The following SLX4 variants were observed in gnomAD, a reference collection of about 807,000 sequenced individuals.
SLX4 encodes structure-specific endonuclease subunit SLX4.
SLX4 carries 112 observed loss-of-function variants against 146.2 expected under a neutral mutation model. That is an observed-to-expected ratio of 0.77 (90% CI 0.66 to 0.90). The LOEUF (loss-of-function observed/expected upper bound fraction) is 0.90. SLX4 is among the 40% of genes least tolerant of loss of function. The probability of loss-of-function intolerance (pLI) is 0.00; values close to 1 mark genes in which losing one functional copy is unlikely to be tolerated. For synonymous variants in SLX4, 1,061 were observed against 997.7 expected, an observed-to-expected ratio of 1.06 and a Z score of -1.20; for missense variants, 2,563 against 2,392.7, an observed-to-expected ratio of 1.07 and a Z score of -1.49.
At chr16:3,600,591 CTTTTTTTTTTTTTTT>C (rs974875930) in intron 5 of SLX4, 5 of 102,606 alleles carry the variant, frequency 4.9e-5, no homozygotes, top group East Asian at 2.9e-4. Context: ...CTATAAAAAG[CTTTTTTTTTTTTTTT>C]TTTTTTTTTT....
At chr16:3,583,008 T>C (rs748688497) in intron 14 of SLX4, 89 bp downstream of exon 14, 35 of 1,515,008 alleles carry the variant, frequency 2.3e-5, no homozygotes, top group Non-Finnish European at 3.1e-5. Flanking sequence ...TTTTGAAGAT[T>C]GGCCATTAGG....
chr16:3,597,933 C>T lies in SLX4; in HGVS notation c.1230G>A (p.Arg410=), dbSNP rs991787767. Reference sequence around the variant, plus strand: ...CGGACGGTGCCTCGTCCACCTTCCGCCTCTTCCGTGGCTCCTTCTTGCTGG... The same window carrying T: ...CGGACGGTGCCTCGTCCACCTTCCGTCTCTTCCGTGGCTCCTTCTTGCTGG... The part of the protein sequence containing the change: ...GPTSKKEPRK[R]RKVDEAPSED... Residue 410 remains arginine, a synonymous_variant, in exon 6 of 15, where the codon AGG becomes AGA. Coordinates refer to ENST00000294008, the MANE Select transcript of SLX4 (RefSeq NM_032444.4). This position sits in a 1 kb window ranked among gnomAD's most constrained non-coding sequence, Gnocchi z 4.4. 2 of 1,614,188 alleles carry T rather than the reference C, an allele frequency of 1.2e-6. No homozygotes were observed. The highest frequency in any genetic ancestry group is 2.2e-5 in the East Asian group (1 of 44,888).
rs775552034 is a variant in SLX4 at position 3,582,600 on chromosome 16, C to T, written c.5247G>A (p.Ala1749=). Residue 1749 remains alanine, a synonymous_variant, in exon 15 of 15, where the codon GCG becomes GCA. Coordinates refer to ENST00000294008, the MANE Select transcript of SLX4 (RefSeq NM_032444.4). Reference sequence around the variant, plus strand: ...ACCTCAGCGCCTCGTCTGTGTCCGCCGCCTGCACGGCTGCCTGCGAGGCAC... The same window carrying T: ...ACCTCAGCGCCTCGTCTGTGTCCGCTGCCTGCACGGCTGCCTGCGAGGCAC... ...EVSASQAAVQ[A]ADTDEALRCY... is the part of the protein sequence containing the mutation. 1.4e-5 allele frequency: 22 copies of T among 1,613,544 alleles called. No individual in the cohort carries two copies. The highest frequency in any genetic ancestry group is 1.3e-4 in the East Asian group (6 of 44,900).
At position 3,582,630 on chromosome 16, in the gene SLX4, C is replaced by A. The variant is rs61031231; in HGVS notation, c.5217G>T (p.Glu1739Asp). The A allele has an allele frequency of 6.2e-7, 1 of 1,613,528 alleles. No homozygotes were observed. Among genetic ancestry groups the A allele is most frequent in the South Asian group, 1.1e-5 (1 of 91,092 alleles). ...ESAGEEEGEG[E>D]VSASQAAVQA... is the part of the protein sequence containing the mutation. ...GCACGGCTGCCTGCGAGGCACTGAC[C>A]TCCCCCTCGCCCTCCTCTTCACCTG... Residue 1739 changes from glutamate to aspartate, a missense_variant, in exon 15 of 15, where the codon GAG becomes GAT. Coordinates refer to ENST00000294008, the MANE Select transcript of SLX4 (RefSeq NM_032444.4).
At chr16:3,585,225 C>CAA (rs897983971) in intron 12 of SLX4, among the ~76,000 whole-genome samples, 25 of 152,308 alleles carry the variant, frequency 1.6e-4, no homozygotes, top group African/African-American at 6.0e-4. Context: ...TGATACTCTT[C>CAA]AAACAGGCTT....
chr16:3,597,042 C>T lies in SLX4; in HGVS notation c.1683+337G>A, dbSNP rs534492661. On this transcript the variant is annotated intron_variant, in intron 7 of 14. Transcript: ENST00000294008. This position sits in a 1 kb window ranked among gnomAD's most constrained non-coding sequence, Gnocchi z 4.4. ...TTCACCATATTAGCCAGGCTGGTCTCGAACTCCTGACCTCGTGATCCGCCC... is the reference window on the plus strand; with the variant it reads ...TTCACCATATTAGCCAGGCTGGTCTTGAACTCCTGACCTCGTGATCCGCCC... Among the ~76,000 whole-genome samples the T allele has an allele frequency of 1.2e-4, 18 of 152,204 alleles. No homozygotes were observed. Among genetic ancestry groups the T allele is most frequent in the African/African-American group, 2.9e-4 (12 of 41,544 alleles).
rs974875930 is a variant in SLX4 at position 3,600,591 on chromosome 16, CTTTTTTTTTTTTTT to C, written c.1163+374_1163+387del. 256 of 102,612 alleles carry C rather than the reference CTTTTTTTTTTTTTT, an allele frequency of 2.5e-3. 3 individuals carry two copies. Among genetic ancestry groups the C allele is most frequent in the African/African-American group, 0.012 (192 of 16,162 alleles). 6.4% of individuals were successfully genotyped at this position (102,612 alleles called of 1,614,324 possible). Reference sequence around the variant, plus strand: ...TTTTTCCCTCCAACACTATAAAAAGCTTTTTTTTTTTTTTTTTTTTTTTTTTTTTGGAGACAGGA... The same window carrying C: ...TTTTTCCCTCCAACACTATAAAAAGCTTTTTTTTTTTTTTTGGAGACAGGA... On this transcript the variant is annotated intron_variant, in intron 5 of 14. Transcript: ENST00000294008.
chr16:3,582,132 A>G lies in SLX4; in HGVS notation c.*210T>C, dbSNP rs2040442797. 1 of 598,556 alleles carries G rather than the reference A, an allele frequency of 1.7e-6. No individual in the cohort carries two copies. Among genetic ancestry groups the G allele is most frequent in the South Asian group, 2.0e-5 (1 of 50,068 alleles). 37.1% of individuals were successfully genotyped at this position (598,556 alleles called of 1,614,324 possible). ...GGAGTCTGTAAATCCAGTGGGTGAC[A>G]TGCTCCAAATGCCACCCTAGAAAGC... On this transcript the variant is annotated 3_prime_UTR_variant, in exon 15 of 15. Transcript: ENST00000294008.
At position 3,594,543 on chromosome 16, in the gene SLX4, C is replaced by T; in HGVS notation, c.2070G>A (p.Leu690=). 7.4e-6 allele frequency: 12 copies of T among 1,614,106 alleles called. No homozygotes were observed. The highest frequency in any genetic ancestry group is 1.0e-5 in the Non-Finnish European group (12 of 1,180,016). Residue 690 remains leucine (L), a synonymous_variant, in exon 10 of 15, where the codon CTG becomes CTA. Coordinates refer to ENST00000294008, the MANE Select transcript of SLX4 (RefSeq NM_032444.4). The stretch of plus-strand genomic sequence containing the variant: ...TGTCCGTCTGAAACTGGACATCACT[C>T]AGGTGTGGGTTATTGACCATGGCGC... ...DFGAMVNNPH[L]SDVQFQTDSG... is the part of the protein sequence containing the mutation.
rs374373752 is a variant in SLX4 at position 3,606,725 on chromosome 16, C to T, written c.536-27G>A. ...TGGCAAGGAGGAAAATATTCACAAC[C>T]ATCTGTTGTAGCTGGAGAAATAAAA... On this transcript the variant is annotated intron_variant, in intron 2 of 14. Coordinates refer to ENST00000294008, the MANE Select transcript of SLX4 (RefSeq NM_032444.4). 2.4e-4 allele frequency: 392 copies of T among 1,609,426 alleles called. 1 individual carries two copies. Among genetic ancestry groups the T allele is most frequent in the Non-Finnish European group, 3.2e-4 (374 of 1,176,180 alleles).
chr16:3,584,785 T>C lies in SLX4; in HGVS notation c.4723A>G (p.Lys1575Glu). ...ACCGCCAACCTATCCAGTTCCTTCT[T>C]CAGCACCGGCGTCTCCATAATGGAA... ...QYSIMETPVLKKELDRFGVRP... is the reference protein window; with the variant it reads ...QYSIMETPVLEKELDRFGVRP... The change falls in exon 13 of 15, where the codon AAG becomes GAG. Residue 1575 changes from lysine (K) to glutamate (E), a missense_variant. Transcript: ENST00000294008. The C allele has an allele frequency of 3.1e-6, 5 of 1,613,844 alleles. No homozygotes were observed. The highest frequency in any genetic ancestry group is 4.2e-6 in the Non-Finnish European group (5 of 1,179,736).
Position 3,582,331 on chromosome 16 carries a change from G to A in SLX4, c.*11C>T, listed in dbSNP as rs977223696. On this transcript the variant is annotated 3_prime_UTR_variant, in exon 15 of 15. Coordinates refer to ENST00000294008, the MANE Select transcript of SLX4 (RefSeq NM_032444.4). ...CTGATGGCAGGTTGGGGTGGGGTCG[G>A]GATGGCCCCATCAGTTCCGCTCCAC... 6.2e-7 allele frequency: 1 copy of A among 1,606,670 alleles called. No individual in the cohort carries two copies. The highest frequency in any genetic ancestry group is 8.5e-7 in the Non-Finnish European group (1 of 1,177,964).
Position 3,590,183 on chromosome 16 carries a change from A to G in SLX4, c.3455T>C (p.Ile1152Thr). The change falls in exon 12 of 15, where the codon ATC becomes ACC. Residue 1152 changes from isoleucine to threonine, a missense_variant. Ile to Thr is a moderately conservative substitution (Grantham distance 89). Coordinates refer to ENST00000294008, the MANE Select transcript of SLX4 (RefSeq NM_032444.4). The surrounding 1 kb of genome is among the most constrained non-coding windows in gnomAD (Gnocchi z 4.8). ...CTCCTCATCCGAGTCCAGTAAGAGG[A>G]TGACCTCATCTTCTTCGTTCAGTTT... ...SSKLNEEDEV[I>T]LLLDSDEELE... 1.9e-6 allele frequency: 3 copies of G among 1,614,154 alleles called. No individual in the cohort carries two copies. Among genetic ancestry groups the G allele is most frequent in the Non-Finnish European group, 2.5e-6 (3 of 1,180,032 alleles).
At chr16:3,604,651 A>G (rs1460972901) in intron 3 of SLX4, among the ~76,000 whole-genome samples, 2 of 151,756 alleles carry the variant, frequency 1.3e-5, no homozygotes, top group South Asian at 2.1e-4. Context: ...TGAAACCCCA[A>G]CTCTACTAAA....
At position 3,609,105 on chromosome 16, in the gene SLX4, G is replaced by T; in HGVS notation, c.-141C>A. The T allele has an allele frequency of 9.2e-7, 1 of 1,086,216 alleles. No homozygotes were observed. Among genetic ancestry groups the T allele is most frequent in the Non-Finnish European group, 1.3e-6 (1 of 750,120 alleles). The allele number at this position is 1,086,216 out of a possible 1,614,324, so 67.3% of individuals were successfully genotyped here. ...TTAAACATGTTTAAAGCTTCCCTCTGTTAAAGTCCACAACTGGGCCGGGCG... is the reference window on the plus strand; with the variant it reads ...TTAAACATGTTTAAAGCTTCCCTCTTTTAAAGTCCACAACTGGGCCGGGCG... On this transcript the variant is annotated 5_prime_UTR_variant, in exon 2 of 15. Transcript: ENST00000294008.
rs762063013 is a variant in SLX4, at chr16:3,598,013, A to C, written c.1164-14T>G. ...TGATCACTGAAGCTAGAAAACAGCC[A>C]AAGAGAAAAGTTACTGGGGCTAGAG... On this transcript the variant is annotated splice_polypyrimidine_tract_variant and intron_variant, in intron 5 of 14. Transcript: ENST00000294008. The C allele has an allele frequency of 5.6e-6, 9 of 1,614,100 alleles. No individual in the cohort carries two copies. In the East Asian group the frequency reaches 1.8e-4, roughly 32 times the overall value.
chr16:3,589,635 C>A lies in SLX4; in HGVS notation c.4003G>T (p.Gly1335Cys), dbSNP rs367562934. The A allele has an allele frequency of 4.3e-6, 7 of 1,613,860 alleles. No homozygotes were observed. In the African/African-American group the frequency reaches 9.3e-5, roughly 22 times the overall value. ...LTPVSPGTSD[G>C]RRQGHRSPSR... ...GGGCTTCTGTGGCCTTGCCTTCTGC[C>A]GTCAGAAGTTCCTGGAGAGACGGGA... Residue 1335 changes from glycine (G) to cysteine (C), a missense_variant, in exon 12 of 15, where the codon GGC (glycine) becomes TGC (cysteine). Physicochemically the swap from Gly to Cys is radical, Grantham distance 159. Coordinates refer to ENST00000294008, the MANE Select transcript of SLX4 (RefSeq NM_032444.4). This position sits in a 1 kb window ranked among gnomAD's most constrained non-coding sequence, Gnocchi z 6.2.
At position 3,582,687 on chromosome 16, in the gene SLX4, GGAA is replaced by G. The variant is rs770121119; in HGVS notation, c.5157_5159del (p.Ser1721del). On this transcript the variant is annotated inframe_deletion, in exon 15 of 15. Coordinates refer to ENST00000294008, the MANE Select transcript of SLX4 (RefSeq NM_032444.4). ...CAAATGCCGCTCCAAACTCACAGGA[GGAA>G]GAACTGAAAAGAGCCAGACCAGGAC... is the stretch of plus-strand genomic sequence containing the variant. 1.9e-6 allele frequency: 3 copies of G among 1,611,718 alleles called. No individual in the cohort carries two copies. Among genetic ancestry groups the G allele is most frequent in the Admixed American group, 3.3e-5 (2 of 59,986 alleles).
chr16:3,608,704 T>G lies in SLX4; in HGVS notation c.261A>C (p.Arg87Ser). 6.2e-7 allele frequency: 1 copy of G among 1,613,538 alleles called. No homozygotes were observed. Among genetic ancestry groups the G allele is most frequent in the South Asian group, 1.1e-5 (1 of 90,550 alleles). The change falls in exon 2 of 15, where the codon AGA becomes AGC. Residue 87 changes from arginine to serine, a missense_variant. Arg to Ser is a moderately radical substitution (Grantham distance 110). Coordinates refer to ENST00000294008, the MANE Select transcript of SLX4 (RefSeq NM_032444.4). ...TTTGTTTGGTCCTTTTCAATTTGCT[T>G]CTTATCTGAGTGCCGTTTGAGGCAG... Reference protein sequence around the residue: ...QKAASNGTQIRSKLKRTKQTA... With the variant: ...QKAASNGTQISSKLKRTKQTA...
Sources: gnomAD v4.1 joint callset for allele counts (sites outside exome capture counted in the v4.1 genomes callset) on GRCh38, gnomAD v4.1.1 for gene constraint, Gnocchi (gnomAD v3.1) non-coding constraint, MANE v1.5 for transcripts, NCBI Gene and HGNC (gene_info 2026-07-23, HGNC 2026-07-21) for gene names.